The following DRC8 variants were observed in gnomAD, a reference collection of about 807,000 sequenced individuals.
DRC8 encodes dynein regulatory complex subunit 8.
At chr1:244,980,040 T>TGAAAAAAAAAA in the DRC8 span, among the ~76,000 whole-genome samples, 3 of 34,758 alleles carry the variant, frequency 8.6e-5, no homozygotes, top group African/African-American at 2.7e-4. Flanking sequence ...CCGTCTCTAC[T>TGAAAAAAAAAA]AAAAAAAAAA....
chr1:244,986,010 C>T, the DRC8 span, among the ~76,000 whole-genome samples: 5 of 151,292 alleles, frequency 3.3e-5, no homozygotes, highest in East Asian at 2.0e-4. Flanking sequence ...GGCTGAAGTA[C>T]AGTGGCATGA....
At chr1:245,099,184 A>G in the DRC8 span, among the ~76,000 whole-genome samples, 270 of 152,230 alleles carry the variant, frequency 1.8e-3, 1 homozygote, top group Non-Finnish European at 3.1e-3. Context: ...TCCGTCACCT[A>G]CATCATCGCC....
chr1:245,020,513 G>A, the DRC8 span, among the ~76,000 whole-genome samples: 1 of 151,964 alleles, frequency 6.6e-6, no homozygotes, highest in African/African-American at 2.4e-5. Context: ...GACCCTTTCC[G>A]GGGTCTGTGA....
the DRC8 span, among the ~76,000 whole-genome samples, chr1:245,004,310 T>C: frequency 6.6e-6 from 1 of 152,130 alleles, no homozygotes; most frequent in Non-Finnish European, 1.5e-5. Flanking sequence ...GGAAACTCTT[T>C]AGGAATTTGT....
the DRC8 span, among the ~76,000 whole-genome samples, chr1:245,050,621 A>G: frequency 6.6e-6 from 1 of 152,180 alleles, no homozygotes; most frequent in East Asian, 1.9e-4. Context: ...TGTAGGGATT[A>G]CTGTGTCAGG....
At chr1:245,064,895 G>A in the DRC8 span, among the ~76,000 whole-genome samples, 16 of 151,652 alleles carry the variant, frequency 1.1e-4, no homozygotes, top group Non-Finnish European at 1.6e-4. Context: ...AAAGATTTAC[G>A]TTGGTGTAAA....
At chr1:245,121,013 ATATT>A in the DRC8 span, among the ~76,000 whole-genome samples, 1 of 152,258 alleles carries the variant, frequency 6.6e-6, no homozygotes, top group Non-Finnish European at 1.5e-5. Context: ...TACTTTTAAA[ATATT>A]TAGGGCAAAT....
the DRC8 span, among the ~76,000 whole-genome samples, chr1:245,008,478 T>C: frequency 6.6e-6 from 1 of 152,158 alleles, no homozygotes; most frequent in Non-Finnish European, 1.5e-5. Context: ...AACTTTTTGC[T>C]TGAAATAGTT....
At chr1:245,014,367 A>G in the DRC8 span, among the ~76,000 whole-genome samples, 1 of 152,212 alleles carries the variant, frequency 6.6e-6, no homozygotes, top group Non-Finnish European at 1.5e-5. Context: ...GAAAACAGAG[A>G]TGGTAAACAA....
the DRC8 span, among the ~76,000 whole-genome samples, chr1:245,121,505 A>G: frequency 6.6e-6 from 1 of 152,210 alleles, no homozygotes; most frequent in African/African-American, 2.4e-5. Context: ...TTGCAGAGAC[A>G]GATCACCAGG....
the DRC8 span, among the ~76,000 whole-genome samples, chr1:245,065,077 T>C: frequency 9.1e-6 from 1 of 109,368 alleles, no homozygotes. Context: ...ATTCTTCTTT[T>C]TTTTTTTTTT....
At chr1:244,997,046 G>A in the DRC8 span, among the ~76,000 whole-genome samples, 1 of 152,072 alleles carries the variant, frequency 6.6e-6, no homozygotes, top group Non-Finnish European at 1.5e-5. Flanking sequence ...TGTATAAATA[G>A]TTTTTATACT....
chr1:245,045,254 C>T, the DRC8 span, among the ~76,000 whole-genome samples: 33 of 152,292 alleles, frequency 2.2e-4, no homozygotes, highest in African/African-American at 7.5e-4. Flanking sequence ...AGGTGGTCCT[C>T]CCGCCTCAGC....
the DRC8 span, among the ~76,000 whole-genome samples, chr1:244,982,000 C>T: frequency 6.6e-6 from 1 of 152,162 alleles, no homozygotes; most frequent in African/African-American, 2.4e-5. Flanking sequence ...TGATAGAATT[C>T]TCCTCACCCA....
At chr1:245,050,069 A>T in the DRC8 span, among the ~76,000 whole-genome samples, 4 of 152,154 alleles carry the variant, frequency 2.6e-5, no homozygotes, top group Admixed American at 6.5e-5. Flanking sequence ...AGGCCATCAC[A>T]TCCATGCAGA....
At chr1:245,072,751 A>G in the DRC8 span, among the ~76,000 whole-genome samples, 40 of 152,250 alleles carry the variant, frequency 2.6e-4, no homozygotes, top group Non-Finnish European at 1.8e-4. Flanking sequence ...AAGATCCCTC[A>G]GGCATGGCTC....
At chr1:244,970,340 C>A in the DRC8 span, 2 of 1,521,352 alleles carry the variant, frequency 1.3e-6, no homozygotes, top group East Asian at 2.6e-5. Flanking sequence ...CCAGGCTCGC[C>A]GCGGGGCGCT....
the DRC8 span, among the ~76,000 whole-genome samples, chr1:244,990,814 G>GT: frequency 0.011 from 1,587 of 146,234 alleles, 13 homozygotes; most frequent in Middle Eastern, 0.029. Flanking sequence ...TGTGGGTGGT[G>GT]TTTTTTTTTT....
chr1:245,083,477 C>A, the DRC8 span: 1 of 1,613,546 alleles, frequency 6.2e-7, no homozygotes, highest in Non-Finnish European at 8.5e-7. Context: ...CTTCTTCGAG[C>A]TTTTGAGGTA....
Sources: allele counts gnomAD v4.1 joint callset (sites outside exome capture counted in the v4.1 genomes callset), GRCh38; gene constraint gnomAD v4.1.1; transcripts MANE v1.5; gene names NCBI Gene and HGNC (gene_info 2026-07-23, HGNC 2026-07-21).